The following NME7 variants were observed in gnomAD, a reference collection of about 807,000 sequenced individuals.
NME7 encodes the protein NME/NM23 family member 7.
NME7 carries 41 observed loss-of-function variants against 49.1 expected under a neutral mutation model. The observed-to-expected ratio is 0.83, with a 90% CI of 0.65 to 1.08. The LOEUF is 1.08. NME7 is among the 50% of genes least tolerant of loss of function. The probability of loss-of-function intolerance (pLI) is 0.00; values close to 1 mark genes in which losing one functional copy is unlikely to be tolerated. For missense variants in NME7, 423 were observed against 463.4 expected (o/e 0.91, Z 0.80); for synonymous variants, 139 against 150.6 (o/e 0.92, Z 0.56).
intron 7 of NME7, among the ~76,000 whole-genome samples, chr1:169,283,122 G>A (rs1331916460): frequency 6.6e-6 from 1 of 152,058 alleles, no homozygotes; most frequent in Non-Finnish European, 1.5e-5. Context: ...TTATGAATCT[G>A]GGTGCGCTTG....
chr1:169,193,940 T>TA (rs568141381), intron 10 of NME7, among the ~76,000 whole-genome samples: 10 of 150,210 alleles, frequency 6.7e-5, no homozygotes, highest in South Asian at 2.1e-4. Context: ...AAAGAGCAGT[T>TA]AAAAAAAAAT....
intron 10 of NME7, among the ~76,000 whole-genome samples, chr1:169,178,203 C>T (rs1166435227): frequency 6.6e-6 from 1 of 152,210 alleles, no homozygotes; most frequent in East Asian, 1.9e-4. Context: ...CAGATGTGAT[C>T]GATTCTACAG....
intron 10 of NME7, among the ~76,000 whole-genome samples, chr1:169,172,525 A>G (rs979961862): frequency 6.6e-6 from 1 of 152,132 alleles, no homozygotes; most frequent in Admixed American, 6.5e-5. Context: ...CATCTTACTG[A>G]CATTCTCTAT....
chr1:169,174,186 A>G (rs1163407694), intron 10 of NME7, among the ~76,000 whole-genome samples: 1 of 152,208 alleles, frequency 6.6e-6, no homozygotes, highest in East Asian at 1.9e-4. Context: ...TGCACCAAAT[A>G]TAGAATAGTG....
At chr1:169,227,128 T>A (rs1197377675) in intron 10 of NME7, among the ~76,000 whole-genome samples, 1 of 152,102 alleles carries the variant, frequency 6.6e-6, no homozygotes, top group Non-Finnish European at 1.5e-5. Flanking sequence ...AGAAAAAAAA[T>A]GGGAATCAGC....
At chr1:169,216,353 C>G (rs1660974040) in intron 10 of NME7, among the ~76,000 whole-genome samples, 1 of 152,068 alleles carries the variant, frequency 6.6e-6, no homozygotes, top group African/African-American at 2.4e-5. Flanking sequence ...ATAATTTAAC[C>G]AACCATGACT....
chr1:169,363,216 T>C (rs992238756), intron 1 of NME7, among the ~76,000 whole-genome samples: 1 of 151,990 alleles, frequency 6.6e-6, no homozygotes, highest in Admixed American at 6.6e-5. Flanking sequence ...TCCTGCTGGG[T>C]GACAGGGCAA....
At chr1:169,183,788 C>T (rs137931653) in intron 10 of NME7, among the ~76,000 whole-genome samples, 5 of 151,234 alleles carry the variant, frequency 3.3e-5, no homozygotes, top group African/African-American at 7.3e-5. Context: ...GGCGACAGAG[C>T]GAGACTCCAT....
chr1:169,206,773 A>G (rs1660686083), intron 10 of NME7, among the ~76,000 whole-genome samples: 1 of 152,210 alleles, frequency 6.6e-6, no homozygotes, highest in Admixed American at 6.5e-5. Context: ...ATTTTAAAAT[A>G]GCAATGACTG....
chr1:169,312,082 T>C (rs1299356786), intron 3 of NME7, among the ~76,000 whole-genome samples: 2 of 152,196 alleles, frequency 1.3e-5, no homozygotes, highest in Non-Finnish European at 2.9e-5. Context: ...ACCATCCACA[T>C]ATGTAGTGGC....
rs1333250267 is a variant in NME7, at chr1:169,274,892, A to G, written c.754+12411T>C. On this transcript the variant is annotated intron_variant, in intron 7 of 11. Coordinates refer to ENST00000367811, the MANE Select transcript of NME7 (RefSeq NM_013330.5). ...TAGCCTTGTAGTATAGTTTGAAGTC[A>G]GGTAGCGTGATGCCTCCAGCTTTGT... Among the ~76,000 whole-genome samples the G allele has an allele frequency of 6.7e-5, 9 of 133,468 alleles. 1 individual carries two copies. Among genetic ancestry groups the G allele is most frequent in the African/African-American group, 2.3e-4 (9 of 39,470 alleles). 87.6% of individuals were successfully genotyped at this position (133,468 alleles called of 152,430 possible).
At chr1:169,223,796 G>T (rs917914680) in intron 10 of NME7, among the ~76,000 whole-genome samples, 6 of 152,040 alleles carry the variant, frequency 3.9e-5, no homozygotes, top group Admixed American at 3.3e-4. Flanking sequence ...TAGAGAGAGA[G>T]AGAGAGAGAG....
At chr1:169,208,933 ATG>A (rs1438098629) in intron 10 of NME7, among the ~76,000 whole-genome samples, 1 of 152,076 alleles carries the variant, frequency 6.6e-6, no homozygotes, top group African/African-American at 2.4e-5. Flanking sequence ...GTTATAAAGA[ATG>A]TGTTTCCATA....
chr1:169,169,440 A>T lies in NME7; in HGVS notation c.1098+7T>A. On this transcript the variant is annotated splice_region_variant and intron_variant, in intron 11 of 11. Coordinates refer to ENST00000367811, the MANE Select transcript of NME7 (RefSeq NM_013330.5). ...TATAAATAGGATGTTTACCTTCTTT[A>T]TCTTACCTCTAATAGGCCATCCTCT... 6.2e-7 allele frequency: 1 copy of T among 1,606,274 alleles called. No individual in the cohort carries two copies. Among genetic ancestry groups the T allele is most frequent in the Non-Finnish European group, 8.5e-7 (1 of 1,174,534 alleles).
chr1:169,133,222 A>G (rs1410346755), intron 11 of NME7, among the ~76,000 whole-genome samples: 1 of 143,932 alleles, frequency 6.9e-6, no homozygotes, highest in African/African-American at 2.6e-5. Context: ...TTTAAAAATT[A>G]GCCTTAGTGT....
chr1:169,254,191 C>T (rs1239792332), intron 7 of NME7, among the ~76,000 whole-genome samples: 2 of 150,110 alleles, frequency 1.3e-5, no homozygotes, highest in African/African-American at 4.8e-5. Flanking sequence ...TCCATCTGGT[C>T]CTGGACTCTT....
intron 1 of NME7, among the ~76,000 whole-genome samples, chr1:169,356,688 G>C (rs1653477980): frequency 1.3e-5 from 2 of 152,124 alleles, no homozygotes; most frequent in Non-Finnish European, 2.9e-5. Flanking sequence ...TTAAAAGAAA[G>C]TGGGGTAGGG....
At chr1:169,318,741 G>A (rs1651747922) in intron 3 of NME7, among the ~76,000 whole-genome samples, 1 of 151,998 alleles carries the variant, frequency 6.6e-6, no homozygotes, top group Non-Finnish European at 1.5e-5. Context: ...AAGTCATGGA[G>A]TACATAGAAT....
intron 10 of NME7, among the ~76,000 whole-genome samples, chr1:169,210,311 G>A (rs559045383): frequency 6.6e-6 from 1 of 152,266 alleles, no homozygotes; most frequent in African/African-American, 2.4e-5. Context: ...ATATATGAAA[G>A]TATTGTTGAT....
Sources: gnomAD v4.1 joint callset for allele counts (sites outside exome capture counted in the v4.1 genomes callset) on GRCh38, gnomAD v4.1.1 for gene constraint, MANE v1.5 for transcripts, NCBI Gene and HGNC (gene_info 2026-07-23, HGNC 2026-07-21) for gene names.